Variants in ARHGAP27 observed in about 807,000 individuals in gnomAD.
The protein encoded by ARHGAP27 is rho GTPase-activating protein 27.
Under a neutral mutation model 102.0 loss-of-function variants are expected in ARHGAP27, and 53 were observed. That is an observed-to-expected ratio of 0.52 (90% confidence interval 0.42 to 0.65). ARHGAP27 has a LOEUF of 0.65. Ranked by LOEUF, ARHGAP27 falls within the 30% of genes least tolerant of loss-of-function variation. ARHGAP27 has a pLI of 0.00. For synonymous variants in ARHGAP27, 525 were observed against 542.8 expected, an observed-to-expected ratio of 0.97 and a Z score of 0.46; for missense variants, 1,117 against 1,256.2, an observed-to-expected ratio of 0.89 and a Z score of 1.68.
In ARHGAP27 at chr17:45,404,972, G is replaced by A; in HGVS notation, c.1200C>T (p.Val400=). The part of the protein sequence containing the change: ...LTTPPGWSCH[V]SQDKQMLYTN... ...TGTAGAGCATCTGCTTGTCCTGGCTGACATGACAAGACCAGCCGGGGGGTG... is the reference window on the plus strand; with the variant it reads ...TGTAGAGCATCTGCTTGTCCTGGCTAACATGACAAGACCAGCCGGGGGGTG... Residue 400 remains valine (V), a synonymous_variant, in exon 6 of 20, where the codon GTC becomes GTT. Coordinates refer to ENST00000685559, the MANE Select transcript of ARHGAP27 (RefSeq NM_001282290.2). The A allele has an allele frequency of 6.2e-7, 1 of 1,614,062 alleles. No individual in the cohort carries two copies. The highest frequency in any genetic ancestry group is 8.5e-7 in the Non-Finnish European group (1 of 1,179,974).
At position 45,429,687 on chromosome 17, in the gene ARHGAP27, G is replaced by C. The variant is rs749668351; in HGVS notation, c.593C>G (p.Ser198Ter). 9 of 1,568,986 alleles carry C rather than the reference G, an allele frequency of 5.7e-6. No homozygotes were observed. The South Asian group carries it at 1.0e-4, about 18-fold the overall frequency. ...VCPRPLARSD[S>*]ENVYEVIQDL... Reference sequence around the variant, plus strand: ...CTGGATGACCTCGTAGACGTTCTCTGAGTCGCTGCGCGCCAGAGGCCGCGG... The same window carrying C: ...CTGGATGACCTCGTAGACGTTCTCTCAGTCGCTGCGCGCCAGAGGCCGCGG... The change falls in exon 4 of 20, where the codon TCA becomes TGA. Residue 198 changes from serine to a stop codon, truncating the protein, a stop_gained. Coordinates refer to ENST00000685559, the MANE Select transcript of ARHGAP27 (RefSeq NM_001282290.2). LOFTEE classifies it high-confidence loss of function.
At chr17:45,401,546 G>A (rs1473202114) in intron 12 of ARHGAP27, 1 of 152,186 alleles carries the variant, frequency 6.6e-6, no homozygotes, top group African/African-American at 2.4e-5. Flanking sequence ...TAGACATGAG[G>A]TCATGCTCTT....
chr17:45,404,099 A>G lies in ARHGAP27; in HGVS notation c.1480-3T>C, dbSNP rs780819156. 8.7e-6 allele frequency: 14 copies of G among 1,613,932 alleles called. No individual in the cohort carries two copies. In the African/African-American group the frequency reaches 1.7e-4, roughly 20 times the overall value. ...CCTGCCTTGTCCAAGGTCTTGGTCT[A>G]AGAGAGAGAAGAGAGAGCAGGCGCA... On this transcript the variant is annotated splice_region_variant and splice_polypyrimidine_tract_variant and intron_variant, in intron 9 of 19. Coordinates refer to ENST00000685559, the MANE Select transcript of ARHGAP27 (RefSeq NM_001282290.2).
At chr17:45,422,668 G>A (rs1230081) in intron 4 of ARHGAP27, among the ~76,000 whole-genome samples, 149,400 of 152,238 alleles carry the variant, frequency 0.98, 73,368 homozygotes, top group East Asian at 1. Context: ...TCCTGACAGC[G>A]TCGTAGTTAA....
chr17:45,417,012 C>A (rs2048535842), intron 4 of ARHGAP27, among the ~76,000 whole-genome samples: 1 of 149,586 alleles, frequency 6.7e-6, no homozygotes, highest in South Asian at 2.1e-4. Flanking sequence ...AGAAAATTAG[C>A]TGGGCATGGT....
chr17:45,411,633 A>G (rs2047922722), intron 4 of ARHGAP27, among the ~76,000 whole-genome samples: 1 of 151,982 alleles, frequency 6.6e-6, no homozygotes, highest in Non-Finnish European at 1.5e-5. Context: ...CCAGTGTCCC[A>G]TCCCCTGTAC....
At chr17:45,400,311 C>T (rs1161624519) in intron 12 of ARHGAP27, among the ~76,000 whole-genome samples, 6 of 152,166 alleles carry the variant, frequency 3.9e-5, no homozygotes, top group Admixed American at 6.5e-5. Flanking sequence ...ACAAAGCCAT[C>T]CATCCTCAAT....
chr17:45,419,138 G>T (rs74905440), intron 4 of ARHGAP27, among the ~76,000 whole-genome samples: 1 of 146,760 alleles, frequency 6.8e-6, no homozygotes, highest in African/African-American at 2.7e-5. Context: ...GACCCAGGAC[G>T]CACTAAAGAT....
chr17:45,425,623 T>A, intron 4 of ARHGAP27: 3 of 985,536 alleles, frequency 3.0e-6, no homozygotes, highest in Non-Finnish European at 3.6e-6. Flanking sequence ...CGGGGCTGCC[T>A]GCTCATGTGC....
chr17:45,395,736 C>G lies in ARHGAP27; in HGVS notation c.2492+8G>C. 2 of 1,585,220 alleles carry G rather than the reference C, an allele frequency of 1.3e-6. No individual in the cohort carries two copies. The highest frequency in any genetic ancestry group is 1.7e-6 in the Non-Finnish European group (2 of 1,170,114). ...CCTCCCCCTTCCCGCGCGGGCCGCCCGGCTCACCGGCAGAGGTGCTGGAAG... is the reference window on the plus strand; with the variant it reads ...CCTCCCCCTTCCCGCGCGGGCCGCCGGGCTCACCGGCAGAGGTGCTGGAAG... On this transcript the variant is annotated splice_region_variant and intron_variant, in intron 19 of 19. Coordinates refer to ENST00000685559, the MANE Select transcript of ARHGAP27 (RefSeq NM_001282290.2).
At chr17:45,416,876 C>A (rs561824578) in intron 4 of ARHGAP27, among the ~76,000 whole-genome samples, 143 of 147,994 alleles carry the variant, frequency 9.7e-4, no homozygotes, top group African/African-American at 3.2e-3. Context: ...TATTATTGGC[C>A]GGGCGCGGTG....
chr17:45,421,554 G>A (rs2144934896), intron 4 of ARHGAP27, among the ~76,000 whole-genome samples: 1 of 152,172 alleles, frequency 6.6e-6, no homozygotes, highest in Middle Eastern at 3.4e-3. Context: ...GAAAAGACCG[G>A]AGTCTACAGA....
At chr17:45,410,223 A>T in intron 4 of ARHGAP27, 1 of 1,533,696 alleles carries the variant, frequency 6.5e-7, no homozygotes, top group Non-Finnish European at 8.7e-7. Context: ...TGACCCCAGC[A>T]TCCCCTACCT....
chr17:45,428,379 T>A (rs555169415), intron 4 of ARHGAP27, among the ~76,000 whole-genome samples: 1 of 152,254 alleles, frequency 6.6e-6, no homozygotes, highest in Non-Finnish European at 1.5e-5. Flanking sequence ...CTCACAACCC[T>A]AATCCTTAAG....
chr17:45,413,917 C>A (rs1284521286), intron 4 of ARHGAP27, among the ~76,000 whole-genome samples: 1 of 152,064 alleles, frequency 6.6e-6, no homozygotes, highest in East Asian at 1.9e-4. Flanking sequence ...ACCAGCCTGG[C>A]CAACATAGCG....
chr17:45,410,884 AG>A (rs1349167703), intron 4 of ARHGAP27, among the ~76,000 whole-genome samples: 1 of 152,100 alleles, frequency 6.6e-6, no homozygotes, highest in Non-Finnish European at 1.5e-5. Flanking sequence ...GTGATATCAC[AG>A]GGAGCTGGCA....
intron 4 of ARHGAP27, among the ~76,000 whole-genome samples, chr17:45,415,370 C>A (rs1317672152): frequency 6.6e-6 from 1 of 152,176 alleles, no homozygotes; most frequent in Non-Finnish European, 1.5e-5. Flanking sequence ...GGCTCCACCT[C>A]CTCTGCCACG....
chr17:45,432,753 T>A lies in ARHGAP27; in HGVS notation c.-286A>T, dbSNP rs942726788. 7.1e-6 allele frequency: 1 copy of A among 141,526 alleles called. No individual in the cohort carries two copies. Among genetic ancestry groups the A allele is most frequent in the African/African-American group, 2.6e-5 (1 of 38,354 alleles). The allele number at this position is 141,526 out of a possible 1,614,324, so 8.8% of individuals were successfully genotyped here. A position where few individuals can be genotyped will look rare whatever the true frequency, so the allele number is the denominator to read the frequency against. ...TCCCGACCCTGCCTGCCCGGGCACC[T>A]CGGGGCGTCCGCTCGCCGGCTTCGC... On this transcript the variant is annotated splice_region_variant and 5_prime_UTR_variant, in exon 1 of 20. Coordinates refer to ENST00000685559, the MANE Select transcript of ARHGAP27 (RefSeq NM_001282290.2).
intron 4 of ARHGAP27, among the ~76,000 whole-genome samples, chr17:45,414,565 G>A (rs1056590307): frequency 2.7e-5 from 4 of 150,554 alleles, no homozygotes; most frequent in Admixed American, 2.6e-4. Context: ...AGCCTCCCAG[G>A]TAGCTGGCTA....
Sources: allele counts gnomAD v4.1 joint callset (sites outside exome capture counted in the v4.1 genomes callset), GRCh38; gene constraint gnomAD v4.1.1; transcripts MANE v1.5; gene names NCBI Gene and HGNC (gene_info 2026-07-23, HGNC 2026-07-21).